The following ABI2 variants were observed in gnomAD, a reference collection of about 807,000 sequenced individuals.
ABI2 encodes abl interactor 2, also known as abelson interactor 2.
In ABI2, 25 loss-of-function variants were observed where a neutral mutation model predicts 59.2. The ratio of observed to expected loss-of-function variants is 0.42; its 90% CI spans 0.31 to 0.59. The LOEUF is 0.59. Ranked by LOEUF, ABI2 falls within the 20% of genes least tolerant of loss-of-function variation. The probability of loss-of-function intolerance (pLI) is 0.14; values close to 1 mark genes in which losing one functional copy is unlikely to be tolerated. For missense variants in ABI2, 545 were observed against 681.8 expected, an observed-to-expected ratio of 0.80 and a Z score of 2.23; for synonymous variants, 213 against 235.5, an observed-to-expected ratio of 0.90 and a Z score of 0.87.
chr2:203,378,779 A>C (rs940266450), intron 2 of ABI2, among the ~76,000 whole-genome samples: 2 of 152,134 alleles, frequency 1.3e-5, no homozygotes, highest in African/African-American at 2.4e-5. Flanking sequence ...TTGAGCCAGG[A>C]ATTGGTGGTA....
intron 1 of ABI2, among the ~76,000 whole-genome samples, chr2:203,345,475 A>G (rs1013134854): frequency 2.0e-5 from 3 of 152,070 alleles, no homozygotes; most frequent in Admixed American, 6.5e-5. Context: ...TCCGGACACA[A>G]TCTTAGCTCA....
At chr2:203,379,372 CAGTT>C (rs1578098796) in intron 2 of ABI2, among the ~76,000 whole-genome samples, 1 of 152,096 alleles carries the variant, frequency 6.6e-6, no homozygotes, top group Non-Finnish European at 1.5e-5. Flanking sequence ...TTCAGCCTCT[CAGTT>C]AGCTGGGATT....
At chr2:203,378,691 T>C (rs1482408741) in intron 2 of ABI2, among the ~76,000 whole-genome samples, 3 of 152,140 alleles carry the variant, frequency 2.0e-5, no homozygotes, top group African/African-American at 7.2e-5. Flanking sequence ...CAGGTTCTTT[T>C]AGAAAGGGGA....
intron 9 of ABI2, chr2:203,403,432 A>C (rs1481392999): frequency 6.5e-6 from 1 of 154,892 alleles, no homozygotes; most frequent in South Asian, 2.0e-4. Context: ...AACACCTCTC[A>C]TACTGGGTTC....
At chr2:203,414,412 C>A (rs2097803650) in intron 10 of ABI2, among the ~76,000 whole-genome samples, 1 of 151,972 alleles carries the variant, frequency 6.6e-6, no homozygotes, top group Non-Finnish European at 1.5e-5. Flanking sequence ...TTGTTTTGTT[C>A]TTTGTATCTG....
At chr2:203,425,341 T>G (rs1002316946) in intron 11 of ABI2, among the ~76,000 whole-genome samples, 1 of 152,236 alleles carries the variant, frequency 6.6e-6, no homozygotes, top group East Asian at 1.9e-4. Flanking sequence ...TAGCTGGGAT[T>G]ACAGGCGCCC....
chr2:203,386,361 G>C lies in ABI2; in HGVS notation c.480+4155G>C, dbSNP rs188025509. ...GAGTTCAGTGGCATGATAGCTCACT[G>C]TATCCTTGGGCTCAAATGATCCTCC... On this transcript the variant is annotated intron_variant, in intron 4 of 11. Transcript: ENST00000261018. Among the ~76,000 whole-genome samples the C allele has an allele frequency of 1.2e-3, 176 of 146,674 alleles. 1 individual carries two copies. The highest frequency in any genetic ancestry group is 3.6e-3 in the Middle Eastern group (1 of 280).
At chr2:203,381,108 A>AT (rs977977370) in intron 3 of ABI2, among the ~76,000 whole-genome samples, 6 of 151,970 alleles carry the variant, frequency 3.9e-5, no homozygotes, top group East Asian at 1.9e-4. Context: ...CATGTAGTTG[A>AT]TTTTTTTTCT....
At chr2:203,375,167 G>A (rs575791287) in intron 2 of ABI2, among the ~76,000 whole-genome samples, 1 of 152,286 alleles carries the variant, frequency 6.6e-6, no homozygotes, top group East Asian at 1.9e-4. Flanking sequence ...AGAAGGATGG[G>A]GAAGCTAATT....
chr2:203,392,954 TG>T (rs772705687), intron 5 of ABI2, among the ~76,000 whole-genome samples: 1 of 139,586 alleles, frequency 7.2e-6, no homozygotes, highest in Non-Finnish European at 1.6e-5. Flanking sequence ...CACCACATTT[TG>T]TTCCTTTGCT....
intron 2 of ABI2, among the ~76,000 whole-genome samples, chr2:203,378,270 GC>G (rs1374022418): frequency 6.6e-6 from 1 of 151,922 alleles, no homozygotes; most frequent in Non-Finnish European, 1.5e-5. Flanking sequence ...CCGCCACCAT[GC>G]CCGGCTAATT....
intron 2 of ABI2, among the ~76,000 whole-genome samples, chr2:203,373,896 T>C (rs1232458046): frequency 1.3e-5 from 2 of 152,168 alleles, no homozygotes; most frequent in Non-Finnish European, 2.9e-5. Flanking sequence ...TGGTGGCTCA[T>C]GCCTGTAGTC....
chr2:203,361,458 A>G (rs1407881623), intron 1 of ABI2, among the ~76,000 whole-genome samples: 1 of 152,086 alleles, frequency 6.6e-6, no homozygotes, highest in Non-Finnish European at 1.5e-5. Context: ...ACGTAGTAAG[A>G]CCCTGTCTCA....
chr2:203,362,263 A>G (rs1341474811), intron 1 of ABI2, among the ~76,000 whole-genome samples: 8 of 152,316 alleles, frequency 5.3e-5, no homozygotes, highest in African/African-American at 1.9e-4. Flanking sequence ...TGAAATAATG[A>G]TATTGAAAAA....
At chr2:203,340,620 A>G (rs947226070) in intron 1 of ABI2, among the ~76,000 whole-genome samples, 3 of 152,084 alleles carry the variant, frequency 2.0e-5, no homozygotes, top group African/African-American at 7.2e-5. Flanking sequence ...GGCCTCCCAA[A>G]GTGCTGGGAT....
At chr2:203,333,854 C>T (rs1431500760) in intron 1 of ABI2, among the ~76,000 whole-genome samples, 4 of 152,144 alleles carry the variant, frequency 2.6e-5, no homozygotes, top group Non-Finnish European at 1.5e-5. Context: ...TTTCACCCTT[C>T]CTTGAAGAGC....
chr2:203,380,260 C>A lies in ABI2; in HGVS notation c.338C>A (p.Thr113Asn). The A allele has an allele frequency of 6.3e-7, 1 of 1,597,882 alleles. No individual in the cohort carries two copies. Among genetic ancestry groups the A allele is most frequent in the Non-Finnish European group, 8.5e-7 (1 of 1,174,176 alleles). ...GCAAGAAGAGAAATTGGTATTTTGACTACCAATAAAAACACTTCAAGGACA... is the reference window on the plus strand; with the variant it reads ...GCAAGAAGAGAAATTGGTATTTTGAATACCAATAAAAACACTTCAAGGACA... ...KVARREIGIL[T>N]TNKNTSRTHK... The change falls in exon 3 of 12, where the codon ACT becomes AAT. Residue 113 changes from threonine to asparagine, a missense_variant. Thr to Asn is a moderately conservative substitution (Grantham distance 65). This residue lies in a region of ABI2 where 36 missense variants were observed against 80.0 expected (regional missense o/e 0.45). Coordinates refer to ENST00000261018, the MANE Select transcript of ABI2 (RefSeq NM_001375670.1).
chr2:203,404,669 C>T (rs1335257617), intron 9 of ABI2, among the ~76,000 whole-genome samples: 2 of 152,162 alleles, frequency 1.3e-5, no homozygotes, highest in African/African-American at 4.8e-5. Flanking sequence ...AGCGATTCTC[C>T]TGCCTCAGCC....
chr2:203,356,112 C>T (rs140652932), intron 1 of ABI2, among the ~76,000 whole-genome samples: 34 of 152,102 alleles, frequency 2.2e-4, no homozygotes, highest in African/African-American at 7.2e-4. Flanking sequence ...ATCCTTCCTA[C>T]GGGTCTTTTT....
Sources: allele counts gnomAD v4.1 joint callset (sites outside exome capture counted in the v4.1 genomes callset), GRCh38; gene constraint gnomAD v4.1.1; regional missense constraint gnomAD v4.1.1; transcripts MANE v1.5; gene names NCBI Gene and HGNC (gene_info 2026-07-23, HGNC 2026-07-21).